PPP6R2: variants seen among roughly 807,000 people sequenced by gnomAD.
PPP6R2 encodes the protein serine/threonine-protein phosphatase 6 regulatory subunit 2.
A neutral mutation model predicts 100.2 loss-of-function variants in PPP6R2; 62 were observed. The observed-to-expected ratio is 0.62, with a 90% CI of 0.50 to 0.76. The LOEUF (loss-of-function observed/expected upper bound fraction) is 0.76. PPP6R2 is among the 30% of genes least tolerant of loss of function. The probability of loss-of-function intolerance (pLI) is 0.00; values close to 1 mark genes in which losing one functional copy is unlikely to be tolerated. For synonymous variants in PPP6R2, 525 were observed against 514.7 expected (o/e 1.02, Z -0.27); for missense variants, 1,142 against 1,276.3 (o/e 0.89, Z 1.60).
intron 22 of PPP6R2, 125 bp downstream of exon 22, chr22:50,441,151 C>T: frequency 1.2e-6 from 1 of 857,248 alleles, no homozygotes; most frequent in Non-Finnish European, 1.7e-6. Context: ...CACACTGCCT[C>T]CCCCATGGCC....
chr22:50,370,826 G>C (rs931064902), intron 1 of PPP6R2, among the ~76,000 whole-genome samples: 1 of 151,192 alleles, frequency 6.6e-6, no homozygotes, highest in African/African-American at 2.4e-5. Flanking sequence ...TAGAGACGGG[G>C]TTTCACCATG....
chr22:50,437,728 TC>T, intron 16 of PPP6R2, 114 bp from the exon 17 acceptor site: 1 of 1,399,338 alleles, frequency 7.1e-7, no homozygotes, highest in Non-Finnish European at 9.9e-7. Context: ...CAGCAGGTGT[TC>T]CCAGTTGTGT....
chr22:50,435,441 T>C (rs2064019420), intron 13 of PPP6R2, among the ~76,000 whole-genome samples: 1 of 152,218 alleles, frequency 6.6e-6, no homozygotes, highest in African/African-American at 2.4e-5. Context: ...GTCCTGGCTG[T>C]GTGCTCTGCA....
In PPP6R2 at chr22:50,437,780, C is replaced by T; in HGVS notation, c.1782-63C>T. On this transcript the variant is annotated intron_variant, in intron 16 of 23. Transcript: ENST00000612753. ...CCCGATGAGCACCGGGGGAGGAGCACTGAGGCCCCAGATGAGCAGTGGGCC... is the reference window on the plus strand; with the variant it reads ...CCCGATGAGCACCGGGGGAGGAGCATTGAGGCCCCAGATGAGCAGTGGGCC... The T allele has an allele frequency of 3.9e-6, 6 of 1,522,482 alleles. No individual in the cohort carries two copies. The South Asian group carries it at 4.8e-5, about 12-fold the overall frequency. 94.3% of individuals were successfully genotyped at this position (1,522,482 alleles called of 1,614,324 possible).
chr22:50,439,981 G>C lies in PPP6R2; in HGVS notation c.2306G>C (p.Cys769Ser). The C allele has an allele frequency of 6.2e-7, 1 of 1,613,586 alleles. No homozygotes were observed. Among genetic ancestry groups the C allele is most frequent in the Non-Finnish European group, 8.5e-7 (1 of 1,179,946 alleles). ...TGCAGCTCCGAGTCAGGGCCCAGGTGCAGCTCTCCGGTGGACACAGAATGC... is the reference window on the plus strand; with the variant it reads ...TGCAGCTCCGAGTCAGGGCCCAGGTCCAGCTCTCCGGTGGACACAGAATGC... ...PFCCSESGPR[C>S]SSPVDTECSH... Residue 769 changes from cysteine to serine, a missense_variant, in exon 21 of 24, where the codon TGC becomes TCC. Physicochemically the swap from Cys to Ser is moderately radical, Grantham distance 112 (BLOSUM62 -1). Around this residue, in one of 2 missense-constraint regions of PPP6R2, gnomAD observed 550 missense variants for 517.4 expected, o/e 1.06. Coordinates refer to ENST00000612753, the MANE Select transcript of PPP6R2 (RefSeq NM_001242898.2).
chr22:50,410,885 T>C (rs1398865402), intron 4 of PPP6R2, among the ~76,000 whole-genome samples: 1 of 151,954 alleles, frequency 6.6e-6, no homozygotes, highest in Non-Finnish European at 1.5e-5. Flanking sequence ...CTCCGCCCCC[T>C]GGTTCAAGTG....
intron 1 of PPP6R2, among the ~76,000 whole-genome samples, chr22:50,354,994 C>A (rs2046152703): frequency 6.6e-6 from 1 of 151,606 alleles, no homozygotes; most frequent in African/African-American, 2.4e-5. Context: ...CAGGTGCCTG[C>A]CACCATGCCT....
chr22:50,357,770 C>T (rs1283352126), intron 1 of PPP6R2, among the ~76,000 whole-genome samples: 2 of 151,912 alleles, frequency 1.3e-5, no homozygotes, highest in Admixed American at 1.3e-4. Flanking sequence ...GTTACAGACA[C>T]CTGCCTCCAA....
chr22:50,436,327 G>A lies in PPP6R2; in HGVS notation c.1517-40G>A, dbSNP rs764411689. Reference sequence around the variant, plus strand: ...CCCGGGTGCCCTGCACCATCTGCACGGGGTCTCCCAGGGCTCACCAGGCAG... The same window carrying A: ...CCCGGGTGCCCTGCACCATCTGCACAGGGTCTCCCAGGGCTCACCAGGCAG... On this transcript the variant is annotated intron_variant, in intron 13 of 23. Coordinates refer to ENST00000612753, the MANE Select transcript of PPP6R2 (RefSeq NM_001242898.2). 44 of 1,542,076 alleles carry A rather than the reference G, an allele frequency of 2.9e-5. 2 individuals carry two copies. The highest frequency in any genetic ancestry group is 2.0e-4 in the South Asian group (17 of 83,878).
intron 5 of PPP6R2, 82 bp downstream of exon 5, chr22:50,414,771 C>T: frequency 6.8e-7 from 1 of 1,475,526 alleles, no homozygotes; most frequent in Non-Finnish European, 9.1e-7. Context: ...GCTCAGAGCA[C>T]CAGGGCGCCC....
chr22:50,337,111 T>A, the PPP6R2 span, among the ~76,000 whole-genome samples: 12 of 33,804 alleles, frequency 3.5e-4, no homozygotes, highest in South Asian at 1.3e-3. Flanking sequence ...ATGAAGAGAG[T>A]GTGTGTGTGT....
intron 2 of PPP6R2, chr22:50,393,683 G>A: frequency 1.0e-6 from 1 of 975,602 alleles, no homozygotes; most frequent in Non-Finnish European, 1.2e-6. Flanking sequence ...GAGGTCTGAT[G>A]GGAATGGTTA....
At chr22:50,424,721 T>G (rs1214307452) in intron 10 of PPP6R2, among the ~76,000 whole-genome samples, 1 of 134,532 alleles carries the variant, frequency 7.4e-6, no homozygotes, top group East Asian at 2.7e-4. Flanking sequence ...CACTGCAATC[T>G]CCGACTCCCT....
chr22:50,337,490 T>A, the PPP6R2 span, among the ~76,000 whole-genome samples: 1 of 138,318 alleles, frequency 7.2e-6, no homozygotes, highest in East Asian at 2.3e-4. Flanking sequence ...GTCTGCGATG[T>A]GTGGTGTGTG....
chr22:50,365,181 C>A (rs2048509703), intron 1 of PPP6R2, among the ~76,000 whole-genome samples: 2 of 151,464 alleles, frequency 1.3e-5, no homozygotes, highest in Non-Finnish European at 2.9e-5. Context: ...AAGCAATTCT[C>A]CTGCCTCAGC....
the PPP6R2 span, among the ~76,000 whole-genome samples, chr22:50,332,857 C>T: frequency 1.3e-5 from 2 of 152,020 alleles, no homozygotes; most frequent in Non-Finnish European, 2.9e-5. Flanking sequence ...CTCTTGACGT[C>T]GTGATCCACC....
intron 1 of PPP6R2, among the ~76,000 whole-genome samples, chr22:50,356,807 C>T (rs1279590560): frequency 1.3e-5 from 2 of 151,848 alleles, no homozygotes; most frequent in African/African-American, 4.8e-5. Context: ...TGGTGGCCGG[C>T]GCCATAATCC....
upstream of PPP6R2, among the ~76,000 whole-genome samples, chr22:50,340,162 T>G (rs2042356208): frequency 7.8e-6 from 1 of 127,860 alleles, no homozygotes; most frequent in African/African-American, 3.0e-5. Context: ...GTAGGGCGTG[T>G]GGTGTGTGTG....
intron 2 of PPP6R2, among the ~76,000 whole-genome samples, chr22:50,377,093 AGGT>A (rs1569333621): frequency 6.6e-6 from 1 of 152,192 alleles, no homozygotes; most frequent in African/African-American, 2.4e-5. Flanking sequence ...AAACAGTAAA[AGGT>A]GATATAGAAT....
Sources: gnomAD v4.1 joint callset for allele counts (sites outside exome capture counted in the v4.1 genomes callset) on GRCh38, gnomAD v4.1.1 for gene constraint, gnomAD v4.1.1 regional missense constraint, MANE v1.5 for transcripts, NCBI Gene and HGNC (gene_info 2026-07-23, HGNC 2026-07-21) for gene names.